Variants in DAB1 observed in about 807,000 individuals in gnomAD.
The protein encoded by DAB1 is disabled homolog 1.
In DAB1, 15 loss-of-function variants were observed where a neutral mutation model predicts 64.6. That is an observed-to-expected ratio of 0.23 (90% CI 0.16 to 0.36). DAB1 has a LOEUF of 0.36. Among genes scored for constraint, DAB1 ranks in the 10% least tolerant of loss-of-function variants. The pLI is 1.00. For synonymous variants in DAB1, 235 were observed against 251.9 expected (o/e 0.93, Z 0.64); for missense variants, 596 against 706.7 (o/e 0.84, Z 1.78).
chr1:57,843,326 G>A (rs959172388), intron 1 of DAB1, among the ~76,000 whole-genome samples: 3 of 152,110 alleles, frequency 2.0e-5, no homozygotes, highest in Non-Finnish European at 2.9e-5. Flanking sequence ...AAGAATGTAG[G>A]TTTTAGATTT....
intron 4 of DAB1, among the ~76,000 whole-genome samples, chr1:57,093,667 A>G (rs1653890659): frequency 6.6e-6 from 1 of 152,216 alleles, no homozygotes; most frequent in African/African-American, 2.4e-5. Context: ...AAATAACCAT[A>G]TGACTGTGGG....
chr1:57,776,905 T>C (rs978028598), intron 6 of DAB1, among the ~76,000 whole-genome samples: 2 of 151,834 alleles, frequency 1.3e-5, no homozygotes, highest in Non-Finnish European at 2.9e-5. Context: ...CTGGTGCTCT[T>C]CACAACTCTG....
At chr1:57,631,862 C>CT (rs2101629176) in intron 7 of DAB1, among the ~76,000 whole-genome samples, 1 of 152,256 alleles carries the variant, frequency 6.6e-6, no homozygotes, top group East Asian at 1.9e-4. Context: ...AGAAGACTGG[C>CT]TTTTTTCTCA....
chr1:58,480,546 T>C (rs559168753), intron 3 of DAB1, among the ~76,000 whole-genome samples: 3 of 152,212 alleles, frequency 2.0e-5, no homozygotes, highest in African/African-American at 4.8e-5. Flanking sequence ...ATGCAAACTA[T>C]TTCCTGCAAA....
intron 4 of DAB1, among the ~76,000 whole-genome samples, chr1:57,104,764 T>C (rs777409673): frequency 1.3e-5 from 2 of 151,780 alleles, no homozygotes; most frequent in African/African-American, 2.4e-5. Context: ...GATGAGACCA[T>C]GAATATATGA....
intron 4 of DAB1, among the ~76,000 whole-genome samples, chr1:58,174,633 G>A (rs61636066): frequency 0.028 from 4,290 of 152,300 alleles, 152 homozygotes; most frequent in African/African-American, 0.086. Context: ...CTTCTGGGTC[G>A]GGTGGGGACT....
At chr1:58,224,242 T>C (rs903171795) in intron 4 of DAB1, among the ~76,000 whole-genome samples, 1 of 152,186 alleles carries the variant, frequency 6.6e-6, no homozygotes, top group Admixed American at 6.5e-5. Context: ...ACAGAAGTGC[T>C]AGGAGTGCTA....
chr1:57,808,009 G>A (rs1438563522), intron 6 of DAB1, among the ~76,000 whole-genome samples: 1 of 152,092 alleles, frequency 6.6e-6, no homozygotes, highest in Non-Finnish European at 1.5e-5. Context: ...CATAAGCGAT[G>A]CTTCTGGTCA....
In DAB1 at chr1:57,004,270, G is replaced by A. The variant is rs1196635333; in HGVS notation, c.*16-6142C>T. 2.0e-5 allele frequency among the ~76,000 whole-genome samples: 3 copies of A among 152,168 alleles called. No individual in the cohort carries two copies. The East Asian group carries it at 5.8e-4, about 29-fold the overall frequency. On this transcript the variant is annotated intron_variant, in intron 14 of 14. Coordinates refer to ENST00000371236, the MANE Select transcript of DAB1 (RefSeq NM_001365792.1). ...AGTATAAGGGCAAATGGTTTCCTAT[G>A]TCACATTATAACAAGACGCTCTTGG...
At chr1:57,025,375 G>A (rs1243677464) in intron 10 of DAB1, among the ~76,000 whole-genome samples, 6 of 152,174 alleles carry the variant, frequency 3.9e-5, no homozygotes, top group Non-Finnish European at 7.3e-5. Flanking sequence ...CTGTGGCTGG[G>A]AATCCAGAGC....
intron 6 of DAB1, among the ~76,000 whole-genome samples, chr1:57,768,667 T>C (rs1649427006): frequency 1.3e-5 from 2 of 151,686 alleles, no homozygotes; most frequent in African/African-American, 4.8e-5. Flanking sequence ...AGGCATATAT[T>C]TTTTATGTAT....
intron 3 of DAB1, chr1:58,481,074 T>C (rs759625508): frequency 1.1e-5 from 10 of 872,024 alleles, no homozygotes. Context: ...GTCTTCTTTC[T>C]CTGATTCTTC....
chr1:57,066,561 G>A (rs1650934082), intron 8 of DAB1, among the ~76,000 whole-genome samples: 2 of 152,176 alleles, frequency 1.3e-5, no homozygotes, highest in Admixed American at 1.3e-4. Context: ...CCCTTTTGTT[G>A]GAGTTATAAA....
intron 6 of DAB1, among the ~76,000 whole-genome samples, chr1:57,659,450 A>C (rs1437953636): frequency 1.3e-5 from 2 of 152,180 alleles, no homozygotes; most frequent in Non-Finnish European, 2.9e-5. Flanking sequence ...TATAGGCCGG[A>C]ACGTACCAGG....
intron 7 of DAB1, among the ~76,000 whole-genome samples, chr1:57,456,071 AATCTAAC>A (rs1415847501): frequency 6.6e-6 from 1 of 152,170 alleles, no homozygotes; most frequent in African/African-American, 2.4e-5. Flanking sequence ...AAGAACATAC[AATCTAAC>A]ATTAGGACTC....
intron 6 of DAB1, among the ~76,000 whole-genome samples, chr1:57,754,250 C>T (rs1648688718): frequency 6.6e-6 from 1 of 152,110 alleles, no homozygotes; most frequent in Non-Finnish European, 1.5e-5. Flanking sequence ...ATGCCTGGCC[C>T]CTGTAAATAT....
At chr1:58,026,691 A>G (rs1646900220) in intron 5 of DAB1, among the ~76,000 whole-genome samples, 1 of 152,218 alleles carries the variant, frequency 6.6e-6, no homozygotes, top group Non-Finnish European at 1.5e-5. Context: ...TCCATCTCAG[A>G]GGAAGAAAAA....
At chr1:57,171,824 G>A (rs6680429) in intron 2 of DAB1, among the ~76,000 whole-genome samples, 89,744 of 152,046 alleles carry the variant, frequency 0.59, 27,090 homozygotes, top group African/African-American at 0.71. Context: ...TATGTGGTGG[G>A]AGAAAGGTAA....
intron 2 of DAB1, among the ~76,000 whole-genome samples, chr1:57,221,615 T>C (rs1420447372): frequency 6.6e-6 from 1 of 152,214 alleles, no homozygotes; most frequent in East Asian, 1.9e-4. Flanking sequence ...CCATAATTCC[T>C]GTGTCCTTCC....
Sources: gnomAD v4.1 joint callset for allele counts (sites outside exome capture counted in the v4.1 genomes callset) on GRCh38, gnomAD v4.1.1 for gene constraint, MANE v1.5 for transcripts, NCBI Gene and HGNC (gene_info 2026-07-23, HGNC 2026-07-21) for gene names.